The following DRC12 variants were observed in gnomAD, a reference collection of about 807,000 sequenced individuals.
DRC12 encodes dynein regulatory complex subunit 12 homolog.
At chr11:119,194,058 C>T in the DRC12 span, among the ~76,000 whole-genome samples, 1 of 152,136 alleles carries the variant, frequency 6.6e-6, no homozygotes, top group Admixed American at 6.5e-5. Flanking sequence ...CTCACAGGCT[C>T]CTCATTATTA....
the DRC12 span, among the ~76,000 whole-genome samples, chr11:119,191,802 C>T: frequency 6.9e-4 from 105 of 151,592 alleles, no homozygotes; most frequent in African/African-American, 2.5e-3. Flanking sequence ...AGTGAAACTC[C>T]GTCTCAAAAC....
At chr11:119,190,783 T>C in the DRC12 span, 4 of 1,614,118 alleles carry the variant, frequency 2.5e-6, no homozygotes, top group Admixed American at 5.0e-5. This position sits in a 1 kb window ranked among gnomAD's most constrained non-coding sequence, Gnocchi z 4.2. Flanking sequence ...CTGGTCCCGC[T>C]CTCCGAGAGC....
chr11:119,194,620 T>C, the DRC12 span, among the ~76,000 whole-genome samples: 1 of 150,534 alleles, frequency 6.6e-6, no homozygotes, highest in East Asian at 1.9e-4. Flanking sequence ...GGCGGGAAGA[T>C]TGTTGCGGCC....
the DRC12 span, among the ~76,000 whole-genome samples, chr11:119,191,200 A>G: frequency 6.6e-6 from 1 of 151,752 alleles, no homozygotes; most frequent in Non-Finnish European, 1.5e-5. Flanking sequence ...CCTGGGTTCA[A>G]GCAATTCTCC....
chr11:119,194,531 A>AT, the DRC12 span, among the ~76,000 whole-genome samples: 308 of 136,444 alleles, frequency 2.3e-3, 4 homozygotes, highest in African/African-American at 7.9e-3. Flanking sequence ...AAAAAAAAAA[A>AT]AAAAAAAAAA....
chr11:119,190,286 G>C, the DRC12 span: 3 of 1,614,062 alleles, frequency 1.9e-6, no homozygotes, highest in Non-Finnish European at 2.5e-6. This position sits in a 1 kb window ranked among gnomAD's most constrained non-coding sequence, Gnocchi z 4.2. Flanking sequence ...TTATTGCTGG[G>C]GCCTCAGAGA....
At chr11:119,192,763 C>T in the DRC12 span, among the ~76,000 whole-genome samples, 2 of 152,178 alleles carry the variant, frequency 1.3e-5, no homozygotes, top group Non-Finnish European at 2.9e-5. Context: ...TCTCCTGCTT[C>T]AGCCTCCCGA....
At chr11:119,194,331 G>A in the DRC12 span, among the ~76,000 whole-genome samples, 5 of 151,820 alleles carry the variant, frequency 3.3e-5, no homozygotes, top group Admixed American at 3.3e-4. Flanking sequence ...TGGCCAACAT[G>A]GTGAAAACCC....
the DRC12 span, chr11:119,190,410 G>C: frequency 1.2e-6 from 2 of 1,613,850 alleles, no homozygotes; most frequent in African/African-American, 1.3e-5. The surrounding 1 kb of genome is among the most constrained non-coding windows in gnomAD (Gnocchi z 4.2). Flanking sequence ...TCCCACTGCT[G>C]CTTGATGGCT....
chr11:119,190,430 G>T, the DRC12 span: 1 of 1,614,010 alleles, frequency 6.2e-7, no homozygotes, highest in East Asian at 2.2e-5. This position sits in a 1 kb window ranked among gnomAD's most constrained non-coding sequence, Gnocchi z 4.2. Flanking sequence ...TCTCAGCTTG[G>T]CCAAGAGCCT....
chr11:119,195,215 C>A, the DRC12 span: 21 of 632,656 alleles, frequency 3.3e-5, 1 homozygote, highest in East Asian at 5.7e-4. Context: ...TAGGAAGGCA[C>A]AGAGCTAGAT....
At chr11:119,190,649 T>C in the DRC12 span, 1 of 1,583,154 alleles carries the variant, frequency 6.3e-7, no homozygotes, top group Non-Finnish European at 8.6e-7. The surrounding 1 kb of genome is among the most constrained non-coding windows in gnomAD (Gnocchi z 4.2). Context: ...CGAGCTGGGG[T>C]TTGTGGGCAT....
the DRC12 span, among the ~76,000 whole-genome samples, chr11:119,194,542 A>AAAAAAAAAAAAAAT: frequency 2.1e-5 from 1 of 48,146 alleles, no homozygotes; most frequent in African/African-American, 8.7e-5. Flanking sequence ...AAAAAAAAAA[A>AAAAAAAAAAAAAAT]AAATAAATAA....
At chr11:119,195,726 C>T in the DRC12 span, 1 of 503,594 alleles carries the variant, frequency 2.0e-6, no homozygotes, top group Non-Finnish European at 3.5e-6. Context: ...CCTTGCAACT[C>T]TCTTTTAGAG....
the DRC12 span, chr11:119,190,678 G>A: frequency 6.2e-7 from 1 of 1,604,862 alleles, no homozygotes; most frequent in Non-Finnish European, 8.5e-7. The surrounding 1 kb of genome is among the most constrained non-coding windows in gnomAD (Gnocchi z 4.2). Flanking sequence ...CCTGGGTACT[G>A]GGATGGCTGG....
the DRC12 span, chr11:119,190,923 C>T: frequency 6.7e-7 from 1 of 1,501,446 alleles, no homozygotes; most frequent in Non-Finnish European, 8.9e-7. This position sits in a 1 kb window ranked among gnomAD's most constrained non-coding sequence, Gnocchi z 4.2. Flanking sequence ...GGAAAGGAGA[C>T]CTCAAATGGG....
At chr11:119,190,811 G>A in the DRC12 span, 14 of 1,613,360 alleles carry the variant, frequency 8.7e-6, no homozygotes, top group South Asian at 5.5e-5. This position sits in a 1 kb window ranked among gnomAD's most constrained non-coding sequence, Gnocchi z 4.2. Context: ...GCCTCTTCCC[G>A]GGCAGCTGCA....
the DRC12 span, chr11:119,193,491 G>T: frequency 2.5e-6 from 3 of 1,220,758 alleles, no homozygotes; most frequent in Non-Finnish European, 3.3e-6. Flanking sequence ...CCGCCCATGG[G>T]CTGATTGAGA....
At chr11:119,193,781 T>TCCC in the DRC12 span, 1 of 1,551,614 alleles carries the variant, frequency 6.4e-7, no homozygotes. Context: ...TATATGGCCT[T>TCCC]CCCTTCACTT....
Sources: gnomAD v4.1 joint callset for allele counts (sites outside exome capture counted in the v4.1 genomes callset) on GRCh38, gnomAD v4.1.1 for gene constraint, Gnocchi (gnomAD v3.1) non-coding constraint, MANE v1.5 for transcripts, NCBI Gene and HGNC (gene_info 2026-07-23, HGNC 2026-07-21) for gene names.